The following COCH variants were observed in gnomAD, a reference collection of about 807,000 sequenced individuals.
COCH encodes cochlin.
In COCH, 40 loss-of-function variants were observed where a neutral mutation model predicts 54.8. The ratio of observed to expected loss-of-function variants is 0.73; its 90% CI spans 0.57 to 0.95. COCH has a LOEUF of 0.95. COCH is among the 40% of genes least tolerant of loss of function. The pLI, the probability that COCH is intolerant of heterozygous loss-of-function variation, is 0.00. For missense variants in COCH, 605 were observed against 675.0 expected (o/e 0.90, Z 1.15); for synonymous variants, 256 against 237.9 (o/e 1.08, Z -0.70).
chr14:30,891,519 A>G (rs1435893358), downstream of COCH, among the ~76,000 whole-genome samples: 1 of 152,270 alleles, frequency 6.6e-6, no homozygotes, highest in Non-Finnish European at 1.5e-5. Context: ...ATTTGAAAAT[A>G]GAGTTTGAGA....
intron 4 of COCH, 41 bp from the exon 5 acceptor site, chr14:30,878,770 A>G (rs1566407689): frequency 6.2e-7 from 1 of 1,614,018 alleles, no homozygotes; most frequent in Admixed American, 1.7e-5. Context: ...ATGCCCTGAA[A>G]AAGTGTGGAT....
chr14:30,889,556 A>G (rs1361098558), intron 11 of COCH, 60 bp from the exon 12 acceptor site: 3 of 1,430,748 alleles, frequency 2.1e-6, no homozygotes, highest in African/African-American at 2.8e-5. Context: ...ACATATAGAC[A>G]TAATTCCATA....
chr14:30,893,885 C>G (rs1950759606), downstream of COCH: 1 of 152,520 alleles, frequency 6.6e-6, no homozygotes, highest in Non-Finnish European at 1.5e-5. Flanking sequence ...CAGTAACATA[C>G]AGGTACACAA....
chr14:30,894,391 G>A (rs1896071935), downstream of COCH: 2 of 152,442 alleles, frequency 1.3e-5, no homozygotes, highest in South Asian at 4.1e-4. Context: ...AGATATACAG[G>A]TTCCTTTAGC....
downstream of COCH, chr14:30,895,173 A>C (rs1331512478): frequency 2.0e-6 from 1 of 499,480 alleles, no homozygotes; most frequent in Non-Finnish European, 3.4e-6. Flanking sequence ...CTCAGTTCAC[A>C]TCCAGTACAG....
intron 6 of COCH, among the ~76,000 whole-genome samples, chr14:30,879,821 T>C (rs1895507308): frequency 6.6e-6 from 1 of 151,734 alleles, no homozygotes; most frequent in African/African-American, 2.4e-5. Flanking sequence ...TTTTTTTGAT[T>C]TTTAATTTTT....
chr14:30,874,590 A>T lies in COCH; in HGVS notation c.-25A>T. ...GGGCGCAGCCGGGTGGATCTCGAGC[A>T]GGTGCGGAGCCCCGGGCGGCGGGCG... On this transcript the variant is annotated splice_region_variant and 5_prime_UTR_variant, in exon 1 of 12. Coordinates refer to ENST00000396618, the MANE Select transcript of COCH (RefSeq NM_004086.3). The T allele has an allele frequency of 2.2e-6, 1 of 456,284 alleles. No individual in the cohort carries two copies. The highest frequency in any genetic ancestry group is 4.0e-6 in the Non-Finnish European group (1 of 250,862). 28.3% of individuals were successfully genotyped at this position (456,284 alleles called of 1,614,324 possible).
intron 8 of COCH, among the ~76,000 whole-genome samples, chr14:30,882,119 G>GGTTTT (rs1895616545): frequency 1.2e-5 from 1 of 84,874 alleles, no homozygotes; most frequent in Admixed American, 1.1e-4. Flanking sequence ...ACTATAAAAT[G>GGTTTT]GTTTTTTTTT....
chr14:30,877,598 A>G lies in COCH; in HGVS notation c.109A>G (p.Arg37Gly), dbSNP rs1360236880. 1.9e-6 allele frequency: 3 copies of G among 1,614,228 alleles called. No individual in the cohort carries two copies. Among genetic ancestry groups the G allele is most frequent in the Non-Finnish European group, 1.7e-6 (2 of 1,180,044 alleles). ...TCCCATTGCTATCACATGTTTTACC[A>G]GAGGCTTGGACATCAGGAAAGAGAA... ...AAPIAITCFTRGLDIRKEKAD... is the reference protein window; with the variant it reads ...AAPIAITCFTGGLDIRKEKAD... The change falls in exon 4 of 12, where the codon AGA becomes GGA. Residue 37 changes from arginine (R) to glycine (G), a missense_variant. Transcript: ENST00000396618. The surrounding 1 kb of genome is among the most constrained non-coding windows in gnomAD (Gnocchi z 8.6).
chr14:30,889,391 T>C, intron 11 of COCH: 1 of 533,216 alleles, frequency 1.9e-6, no homozygotes, highest in East Asian at 3.3e-5. Flanking sequence ...TACCTGTTAA[T>C]GTGGCGAATT....
At chr14:30,879,917 C>G (rs1895512408) in intron 6 of COCH, among the ~76,000 whole-genome samples, 1 of 152,158 alleles carries the variant, frequency 6.6e-6, no homozygotes, top group African/African-American at 2.4e-5. Flanking sequence ...CCCACTTCAG[C>G]CTCCCAAAGT....
At position 30,888,782 on chromosome 14, in the gene COCH, C is replaced by A. The variant is rs10132109; in HGVS notation, c.1478-834C>A. ...CTCCAGCATGGGCAAAAGAGCCAGA[C>A]CCTGTCTGAGAAAAAAAAAAAAAAA... On this transcript the variant is annotated intron_variant, in intron 11 of 11. Transcript: ENST00000396618. Among the ~76,000 whole-genome samples, 852 of 147,908 alleles carry A rather than the reference C, an allele frequency of 5.8e-3. 8 individuals are homozygous for A. The highest frequency in any genetic ancestry group is 0.02 in the African/African-American group (807 of 40,006).
chr14:30,879,797 C>T (rs1179763161), intron 6 of COCH, among the ~76,000 whole-genome samples: 2 of 152,088 alleles, frequency 1.3e-5, no homozygotes, highest in Non-Finnish European at 2.9e-5. Flanking sequence ...GCACATGCCA[C>T]CACACCCAGC....
chr14:30,875,035 C>T (rs779380170), intron 2 of COCH, 21 bp from the exon 3 acceptor site: 2 of 1,612,496 alleles, frequency 1.2e-6, no homozygotes, highest in Non-Finnish European at 1.7e-6. Flanking sequence ...GGAGCCAGCC[C>T]TCACGCTTCT....
downstream of COCH, chr14:30,894,631 T>G: frequency 6.4e-6 from 1 of 156,876 alleles, no homozygotes; most frequent in Non-Finnish European, 1.4e-5. Context: ...AAGACATTTA[T>G]GTGATGATGA....
At chr14:30,895,592 C>T, downstream of COCH, 2 of 1,609,938 alleles carry the variant, frequency 1.2e-6, no homozygotes, top group Non-Finnish European at 1.7e-6. Flanking sequence ...TGTAAAAGAA[C>T]AAATAAAATT....
At chr14:30,892,625 T>C (rs891708621), downstream of COCH, among the ~76,000 whole-genome samples, 11 of 152,100 alleles carry the variant, frequency 7.2e-5, no homozygotes, top group Admixed American at 2.0e-4. Context: ...CTGACCAACA[T>C]GGTAAAGCCC....
chr14:30,874,747 C>A (rs1016133322), intron 1 of COCH, 156 bp downstream of exon 1: 1 of 665,046 alleles, frequency 1.5e-6, no homozygotes, highest in South Asian at 1.8e-5. Flanking sequence ...CTCGATTTGC[C>A]GCCGAGGCGC....
intron 9 of COCH, 81 bp from the exon 10 acceptor site, chr14:30,885,313 C>T: frequency 8.2e-7 from 1 of 1,223,566 alleles, no homozygotes; most frequent in Non-Finnish European, 1.2e-6. Context: ...TTAAACTTTG[C>T]AGCATCAAAT....
Sources: gnomAD v4.1 joint callset for allele counts (sites outside exome capture counted in the v4.1 genomes callset) on GRCh38, gnomAD v4.1.1 for gene constraint, Gnocchi (gnomAD v3.1) non-coding constraint, MANE v1.5 for transcripts, NCBI Gene and HGNC (gene_info 2026-07-23, HGNC 2026-07-21) for gene names.